Variants in ABCB8 observed in about 807,000 individuals in gnomAD.
ABCB8 encodes the protein mitochondrial potassium channel ATP-binding subunit.
ABCB8 carries 52 observed loss-of-function variants against 73.0 expected under a neutral mutation model. The ratio of observed to expected loss-of-function variants is 0.71; its 90% CI spans 0.57 to 0.90. The LOEUF is 0.90. Among genes scored for constraint, ABCB8 ranks in the 40% least tolerant of loss-of-function variants. The pLI is 0.00. For missense variants in ABCB8, 909 were observed against 974.6 expected (o/e 0.93, Z 0.90); for synonymous variants, 428 against 423.5 (o/e 1.01, Z -0.13).
chr7:151,031,242 AAC>A, intron 1 of ABCB8: 4 of 1,534,026 alleles, frequency 2.6e-6, no homozygotes, highest in Non-Finnish European at 3.5e-6. Flanking sequence ...GCCTTTCAGA[AAC>A]ACATGGCGTA....
At chr7:151,030,012 T>A (rs1796113954) in intron 1 of ABCB8, among the ~76,000 whole-genome samples, 1 of 152,172 alleles carries the variant, frequency 6.6e-6, no homozygotes, top group African/African-American at 2.4e-5. Flanking sequence ...GAGTCTTAGT[T>A]TGGAGACAAT....
At position 151,045,331 on chromosome 7, in the gene ABCB8, C is replaced by A; in HGVS notation, c.2139C>A (p.Ser713Arg). The A allele has an allele frequency of 6.3e-7, 1 of 1,584,000 alleles. No individual in the cohort carries two copies. Among genetic ancestry groups the A allele is most frequent in the Non-Finnish European group, 8.6e-7 (1 of 1,165,164 alleles). ...CCAAAAAGCCAGAAGGCCCCAGGAG[C>A]CACCAGCACAAGTCCTGAGAAGGGC... ...PPPKKPEGPR[S>R]HQHKS is the part of the protein sequence containing the mutation. The change falls in exon 16 of 16, where the codon AGC becomes AGA. Residue 713 changes from serine (S) to arginine (R), a missense_variant. Transcript: ENST00000358849.
chr7:151,036,178 A>T lies in ABCB8; in HGVS notation c.1111+8A>T, dbSNP rs771684717. On this transcript the variant is annotated splice_region_variant and intron_variant, in intron 8 of 15. Coordinates refer to ENST00000358849, the MANE Select transcript of ABCB8 (RefSeq NM_007188.5). ...CCAACATCGCCTTCAACTGTGAGTG[A>T]GCCATTTGGGGGCTGGAGGGGCGCT... 30 of 1,598,802 alleles carry T rather than the reference A, an allele frequency of 1.9e-5. No individual in the cohort carries two copies. The highest frequency in any genetic ancestry group is 2.4e-5 in the Non-Finnish European group (28 of 1,169,348).
intron 1 of ABCB8, chr7:151,031,425 G>A: frequency 5.5e-6 from 7 of 1,265,656 alleles, no homozygotes; most frequent in Middle Eastern, 2.7e-4. Flanking sequence ...GCAGGGGAAG[G>A]ATGAGATGAA....
At chr7:151,040,209 C>A (rs1796417467) in intron 9 of ABCB8, 59 bp from the exon 10 acceptor site, 1 of 1,586,478 alleles carries the variant, frequency 6.3e-7, no homozygotes, top group Admixed American at 1.9e-5. Context: ...TGGCTTCCTT[C>A]CCCTCCTCTG....
rs565544610 is a variant in ABCB8, at chr7:151,040,986, C to T, written c.1483+64C>T. On this transcript the variant is annotated intron_variant, in intron 12 of 15. Coordinates refer to ENST00000358849, the MANE Select transcript of ABCB8 (RefSeq NM_007188.5). ...CTCTAGCAGCCACTCAGAGCAAGGC[C>T]GGGAGCAGTGAGCCCCCGGTGGGGT... The T allele has an allele frequency of 2.3e-5, 37 of 1,606,762 alleles. No individual in the cohort carries two copies. In the Admixed American group the frequency reaches 2.4e-4, roughly 10 times the overall value.
chr7:151,032,865 C>T (rs1796200813), intron 1 of ABCB8: 1 of 366,142 alleles, frequency 2.7e-6, no homozygotes, highest in Non-Finnish European at 5.6e-6. Flanking sequence ...GAGTGTGTGT[C>T]ATGGCGCCCC....
In ABCB8 at chr7:151,034,562, G is replaced by A. The variant is rs757980827; in HGVS notation, c.622G>A (p.Val208Met). 3 of 1,613,648 alleles carry A rather than the reference G, an allele frequency of 1.9e-6. No homozygotes were observed. The highest frequency in any genetic ancestry group is 1.1e-5 in the South Asian group (1 of 91,086). Reference sequence around the variant, plus strand: ...GTCCCACGTTGGCGAGCGCATGGCTGTGGACATGCGGAGGGCCCTCTTCAG... The same window carrying A: ...GTCCCACGTTGGCGAGCGCATGGCTATGGACATGCGGAGGGCCCTCTTCAG... Reference protein sequence around the residue: ...LLSHVGERMAVDMRRALFSSL... With the variant: ...LLSHVGERMAMDMRRALFSSL... Residue 208 changes from valine (V) to methionine (M), a missense_variant, in exon 4 of 16, where the codon GTG becomes ATG. Transcript: ENST00000358849.
At chr7:151,028,950 A>G (rs745775352) in intron 1 of ABCB8, 68 of 1,304,172 alleles carry the variant, frequency 5.2e-5, no homozygotes, top group Non-Finnish European at 6.6e-5. Context: ...TATTAGTATG[A>G]AGAGACATTT....
intron 1 of ABCB8, chr7:151,031,298 G>GTC: frequency 6.5e-7 from 1 of 1,547,992 alleles, no homozygotes; most frequent in Non-Finnish European, 8.7e-7. Context: ...GAGAGTAAGC[G>GTC]TCTCTATCTT....
In ABCB8 at chr7:151,047,678, C is replaced by T. The variant is rs1288789480; in HGVS notation, c.*2329C>T. ...AGCCCACCAAAGTCCTGGGAGTTCA[C>T]ATCTGTGTGATGATACGGCAACATT... On this transcript the variant is annotated 3_prime_UTR_variant, in exon 16 of 16. Coordinates refer to ENST00000358849, the MANE Select transcript of ABCB8 (RefSeq NM_007188.5). 6.6e-6 allele frequency: 1 copy of T among 152,254 alleles called. No individual in the cohort carries two copies. Among genetic ancestry groups the T allele is most frequent in the Non-Finnish European group, 1.5e-5 (1 of 68,058 alleles). 9.4% of individuals were successfully genotyped at this position (152,254 alleles called of 1,614,324 possible). A position where few individuals can be genotyped will look rare whatever the true frequency, so the allele number is the denominator to read the frequency against.
rs1395052511 is a variant in ABCB8, at chr7:151,047,492, G to GTCATGTGCC, written c.*2144_*2152dup. The GTCATGTGCC allele has an allele frequency of 6.6e-6, 1 of 152,274 alleles. No homozygotes were observed. The highest frequency in any genetic ancestry group is 2.4e-5 in the African/African-American group (1 of 41,460). 9.4% of individuals were successfully genotyped at this position (152,274 alleles called of 1,614,324 possible). On this transcript the variant is annotated 3_prime_UTR_variant, in exon 16 of 16. Coordinates refer to ENST00000358849, the MANE Select transcript of ABCB8 (RefSeq NM_007188.5). ...CAAAGTGTTTATTAATCAAGCACCT[G>GTCATGTGCC]TCATGTGCCATTGAGCCCACGATGG...
In ABCB8 at chr7:151,035,431, G is replaced by A. The variant is rs374102707; in HGVS notation, c.766-150G>A. ...ACTGGCCGAGTTAGGGTTACGTACT[G>A]TGACCGGTGGACTGCCACTGGGCCT... On this transcript the variant is annotated intron_variant, in intron 5 of 15. Coordinates refer to ENST00000358849, the MANE Select transcript of ABCB8 (RefSeq NM_007188.5). 3.0e-5 allele frequency: 27 copies of A among 901,402 alleles called. No homozygotes were observed. The South Asian group carries it at 4.1e-4, about 14-fold the overall frequency. The allele number at this position is 901,402 out of a possible 1,614,324, so 55.8% of individuals were successfully genotyped here.
rs911846330 is a variant in ABCB8, at chr7:151,033,758, A to G, written c.249A>G (p.Val83=). ...GGGGAGCCCTGCTAGGCCCCATGGT[A>G]CTGAGTAAGCATCCCCACCTCTGCC... ...WVGGALLGPM[V]LSKHPHLCLV... Residue 83 remains valine, a synonymous_variant, in exon 2 of 16, where the codon GTA becomes GTG. Transcript: ENST00000358849. The G allele has an allele frequency of 6.2e-7, 1 of 1,613,968 alleles. No homozygotes were observed. Among genetic ancestry groups the G allele is most frequent in the Non-Finnish European group, 8.5e-7 (1 of 1,179,962 alleles).
chr7:151,033,436 G>A, intron 1 of ABCB8, 169 bp from the exon 2 acceptor site: 1 of 1,404,410 alleles, frequency 7.1e-7, no homozygotes, highest in African/African-American at 1.4e-5. Flanking sequence ...CCATGGACAT[G>A]TCTTAGAAAC....
At chr7:151,042,271 G>A (rs1000150499) in intron 14 of ABCB8, among the ~76,000 whole-genome samples, 163 bp downstream of exon 14, 13 of 152,204 alleles carry the variant, frequency 8.5e-5, no homozygotes, top group Non-Finnish European at 1.3e-4. Context: ...GGACAGAGTC[G>A]TTGTGTGGGG....
intron 15 of ABCB8, 90 bp from the exon 16 acceptor site, chr7:151,045,119 C>T: frequency 1.4e-6 from 2 of 1,410,320 alleles, no homozygotes; most frequent in South Asian, 1.6e-5. Flanking sequence ...GACCATGGGC[C>T]CAATGGCTGA....
In ABCB8 at chr7:151,034,298, A is replaced by G. The variant is rs1423406907; in HGVS notation, c.434A>G (p.Asn145Ser). 5 of 1,613,590 alleles carry G rather than the reference A, an allele frequency of 3.1e-6. No individual in the cohort carries two copies. Among genetic ancestry groups the G allele is most frequent in the Middle Eastern group, 3.3e-4 (2 of 6,060 alleles). Residue 145 changes from asparagine (N) to serine (S), a missense_variant, in exon 3 of 16, where the codon AAT becomes AGT. Transcript: ENST00000358849. Reference sequence around the variant, plus strand: ...CTGGCCTTGGGTGCGGCACTCGTGAATGTACAGATCCCCCTGCTCCTGGGC... The same window carrying G: ...CTGGCCTTGGGTGCGGCACTCGTGAGTGTACAGATCCCCCTGCTCCTGGGC... ...VVLALGAALV[N>S]VQIPLLLGQL...
intron 1 of ABCB8, chr7:151,029,045 C>T (rs770786084): frequency 6.1e-6 from 7 of 1,139,072 alleles, no homozygotes; most frequent in African/African-American, 1.6e-5. Flanking sequence ...TCTAATAGGC[C>T]GGGCGCGGTG....
Sources: allele counts gnomAD v4.1 joint callset (sites outside exome capture counted in the v4.1 genomes callset), GRCh38; gene constraint gnomAD v4.1.1; transcripts MANE v1.5; gene names NCBI Gene and HGNC (gene_info 2026-07-23, HGNC 2026-07-21).